SH3GL2: variants seen among roughly 807,000 people sequenced by gnomAD.
SH3GL2 encodes the protein endophilin-A1.
SH3GL2 carries 24 observed loss-of-function variants against 46.0 expected under a neutral mutation model. The observed-to-expected ratio is 0.52, with a 90% CI of 0.38 to 0.73. The LOEUF (loss-of-function observed/expected upper bound fraction) is 0.73, where lower values mean the gene tolerates loss of function less well. Among genes scored for constraint, SH3GL2 ranks in the 30% least tolerant of loss-of-function variants. The pLI, the probability that SH3GL2 is intolerant of heterozygous loss-of-function variation, is 0.00. For synonymous variants in SH3GL2, 196 were observed against 147.1 expected (o/e 1.33, Z -2.40); for missense variants, 413 against 424.2 (o/e 0.97, Z 0.23).
chr9:17,602,053 C>T (rs1368807088), intron 1 of SH3GL2, among the ~76,000 whole-genome samples: 1 of 152,222 alleles, frequency 6.6e-6, no homozygotes, highest in Non-Finnish European at 1.5e-5. Context: ...TCCTTCCCGA[C>T]TGTCTCTCCC....
At chr9:17,639,633 T>C (rs1243194203) in intron 1 of SH3GL2, among the ~76,000 whole-genome samples, 2 of 152,210 alleles carry the variant, frequency 1.3e-5, no homozygotes, top group Non-Finnish European at 1.5e-5. Flanking sequence ...TGCCGTATAA[T>C]TCAGCAGTTC....
At chr9:17,791,376 C>A in intron 7 of SH3GL2, 42 bp downstream of exon 7, 1 of 1,270,112 alleles carries the variant, frequency 7.9e-7, no homozygotes, top group Non-Finnish European at 1.2e-6. Flanking sequence ...CATTTTATTG[C>A]TATAAAATGA....
chr9:17,776,738 A>G (rs892547189), intron 3 of SH3GL2, among the ~76,000 whole-genome samples: 13 of 151,594 alleles, frequency 8.6e-5, no homozygotes, highest in African/African-American at 3.2e-4. Flanking sequence ...TTGAAGTGCA[A>G]TAAAACTTGC....
intron 1 of SH3GL2, among the ~76,000 whole-genome samples, chr9:17,738,513 T>TAGAGAGAGA (rs1822409871): frequency 1.5e-5 from 2 of 132,418 alleles, no homozygotes; most frequent in Non-Finnish European, 3.5e-5. Context: ...CATATATACA[T>TAGAGAGAGA]ATGTGTGTGT....
At chr9:17,728,666 C>T (rs1239120127) in intron 1 of SH3GL2, among the ~76,000 whole-genome samples, 2 of 152,010 alleles carry the variant, frequency 1.3e-5, no homozygotes, top group African/African-American at 4.8e-5. Context: ...TGATGTTCCC[C>T]TTCCTGTGCC....
chr9:17,608,614 T>G (rs1164197367), intron 1 of SH3GL2, among the ~76,000 whole-genome samples: 2 of 152,210 alleles, frequency 1.3e-5, no homozygotes, highest in Non-Finnish European at 2.9e-5. Flanking sequence ...TTTGACATTC[T>G]CTAGGCAAAG....
intron 1 of SH3GL2, among the ~76,000 whole-genome samples, chr9:17,642,058 C>T (rs1186326633): frequency 6.6e-6 from 1 of 152,166 alleles, no homozygotes; most frequent in African/African-American, 2.4e-5. Flanking sequence ...CTCCCACCAA[C>T]AGTGTAAAAG....
chr9:17,747,228 C>T (rs1822717098), intron 2 of SH3GL2, 94 bp downstream of exon 2: 4 of 708,484 alleles, frequency 5.6e-6, no homozygotes, highest in South Asian at 5.4e-5. Context: ...AACTGTTTTC[C>T]ACTGGTCTCT....
Position 17,751,479 on chromosome 9 carries a change from C to CGTGTGTGTGTGT in SH3GL2, c.114+4364_114+4375dup, listed in dbSNP as rs58212352. Among the ~76,000 whole-genome samples the CGTGTGTGTGTGT allele has an allele frequency of 4.0e-3, 588 of 146,466 alleles. 2 individuals are homozygous for CGTGTGTGTGTGT. Among genetic ancestry groups the CGTGTGTGTGTGT allele is most frequent in the African/African-American group, 0.014 (559 of 39,490 alleles). ...TTTGGTGTGTGTGTTTTTGTGTGTG[C>CGTGTGTGTGTGT]GTGTGTGTGTGTGTGTGTGTGTGTG... On this transcript the variant is annotated intron_variant, in intron 2 of 8. Transcript: ENST00000380607.
chr9:17,743,003 G>A (rs1246486349), intron 1 of SH3GL2, among the ~76,000 whole-genome samples: 1 of 152,196 alleles, frequency 6.6e-6, no homozygotes, highest in Non-Finnish European at 1.5e-5. Flanking sequence ...TCAGTACTGT[G>A]AAGTGTCAAT....
intron 1 of SH3GL2, among the ~76,000 whole-genome samples, chr9:17,672,641 C>A (rs189545922): frequency 6.6e-6 from 1 of 152,102 alleles, no homozygotes; most frequent in African/African-American, 2.4e-5. Flanking sequence ...CCACCCACCC[C>A]CTTCACCCAA....
At chr9:17,700,511 C>G (rs1157109450) in intron 1 of SH3GL2, among the ~76,000 whole-genome samples, 1 of 152,188 alleles carries the variant, frequency 6.6e-6, no homozygotes, top group Admixed American at 6.5e-5. Flanking sequence ...GTTAGGTTAG[C>G]TGGAACTAAT....
chr9:17,731,634 A>G (rs1380039513), intron 1 of SH3GL2, among the ~76,000 whole-genome samples: 4 of 152,120 alleles, frequency 2.6e-5, no homozygotes, highest in Non-Finnish European at 5.9e-5. Flanking sequence ...CAAGAAGGTA[A>G]AATTCTATTG....
At chr9:17,672,505 G>C (rs1820499466) in intron 1 of SH3GL2, among the ~76,000 whole-genome samples, 1 of 152,142 alleles carries the variant, frequency 6.6e-6, no homozygotes, top group Non-Finnish European at 1.5e-5. Flanking sequence ...TTGAAAATTA[G>C]CTGGACTTAA....
At chr9:17,665,043 C>G (rs755866953) in intron 1 of SH3GL2, among the ~76,000 whole-genome samples, 13 of 152,074 alleles carry the variant, frequency 8.5e-5, no homozygotes, top group Non-Finnish European at 1.5e-4. Context: ...GTACTCTTTA[C>G]CTTGATTCAC....
chr9:17,795,604 G>A lies in SH3GL2; in HGVS notation c.920G>A (p.Gly307Glu), dbSNP rs1326062346. The A allele has an allele frequency of 6.2e-7, 1 of 1,614,038 alleles. No homozygotes were observed. The change falls in exon 9 of 9, where the codon GGG becomes GAG. Residue 307 changes from glycine to glutamate, a missense_variant. Transcript: ENST00000380607. Reference protein sequence around the residue: ...ALYDFEPENEGELGFKEGDII... With the variant: ...ALYDFEPENEEELGFKEGDII... ...TACGACTTTGAACCTGAAAATGAAG[G>A]GGAGTTGGGATTTAAAGAGGGCGAT...
At chr9:17,785,247 A>T (rs916092188) in intron 3 of SH3GL2, among the ~76,000 whole-genome samples, 1 of 152,088 alleles carries the variant, frequency 6.6e-6, no homozygotes, top group Admixed American at 6.6e-5. Flanking sequence ...TCAATCCCCC[A>T]TCAAGGCACT....
At chr9:17,710,836 A>C (rs1022318896) in intron 1 of SH3GL2, among the ~76,000 whole-genome samples, 1 of 151,948 alleles carries the variant, frequency 6.6e-6, no homozygotes, top group Non-Finnish European at 1.5e-5. Flanking sequence ...TCTTATCTGC[A>C]AGGGGTATGT....
chr9:17,659,910 G>A (rs1317230421), intron 1 of SH3GL2, among the ~76,000 whole-genome samples: 4 of 152,150 alleles, frequency 2.6e-5, no homozygotes, highest in African/African-American at 9.7e-5. Flanking sequence ...ACTTTTGGCT[G>A]GAATTTACTA....
Sources: allele counts gnomAD v4.1 joint callset (sites outside exome capture counted in the v4.1 genomes callset), GRCh38; gene constraint gnomAD v4.1.1; transcripts MANE v1.5; gene names NCBI Gene and HGNC (gene_info 2026-07-23, HGNC 2026-07-21).